Variants in DAB1 observed in about 807,000 individuals in gnomAD.
DAB1 encodes the protein disabled homolog 1.
A neutral mutation model predicts 64.6 loss-of-function variants in DAB1; 15 were observed. The observed-to-expected ratio is 0.23, with a 90% CI of 0.16 to 0.36. The LOEUF (loss-of-function observed/expected upper bound fraction) is 0.36, where lower values mean the gene tolerates loss of function less well. Among genes scored for constraint, DAB1 ranks in the 10% least tolerant of loss-of-function variants. DAB1 has a pLI of 1.00. For missense variants in DAB1, 596 were observed against 706.7 expected, an observed-to-expected ratio of 0.84 and a Z score of 1.78; for synonymous variants, 235 against 251.9, an observed-to-expected ratio of 0.93 and a Z score of 0.64.
At chr1:57,453,643 A>G (rs1338813698) in intron 7 of DAB1, among the ~76,000 whole-genome samples, 1 of 152,212 alleles carries the variant, frequency 6.6e-6, no homozygotes, top group Non-Finnish European at 1.5e-5. Flanking sequence ...ATAGGATAAC[A>G]ACAGAAATTA....
intron 5 of DAB1, among the ~76,000 whole-genome samples, chr1:57,946,873 C>T (rs1645191809): frequency 6.6e-6 from 1 of 152,176 alleles, no homozygotes; most frequent in African/African-American, 2.4e-5. Context: ...GCAGGGACCC[C>T]ATATGATACA....
intron 1 of DAB1, among the ~76,000 whole-genome samples, chr1:57,362,580 A>G (rs550564137): frequency 6.6e-6 from 1 of 152,260 alleles, no homozygotes; most frequent in East Asian, 1.9e-4. Flanking sequence ...GGTGAGCCCT[A>G]GTGAGTGGGA....
At chr1:57,057,500 GTTT>G (rs1649890283) in intron 9 of DAB1, among the ~76,000 whole-genome samples, 1 of 152,004 alleles carries the variant, frequency 6.6e-6, no homozygotes, top group Non-Finnish European at 1.5e-5. Context: ...AATTTTAGCG[GTTT>G]TCAGACAAGT....
chr1:58,515,864 C>T (rs1646150831), intron 2 of DAB1, among the ~76,000 whole-genome samples: 1 of 152,130 alleles, frequency 6.6e-6, no homozygotes, highest in African/African-American at 2.4e-5. Flanking sequence ...TAAATTAGCT[C>T]CAATTTTCTT....
chr1:57,855,795 G>A (rs1420668630), intron 1 of DAB1, among the ~76,000 whole-genome samples: 1 of 152,112 alleles, frequency 6.6e-6, no homozygotes, highest in Non-Finnish European at 1.5e-5. Flanking sequence ...ACAGGAGGTT[G>A]AGAAGGGGAG....
chr1:58,388,238 T>C (rs1401496902), intron 3 of DAB1, among the ~76,000 whole-genome samples: 1 of 152,178 alleles, frequency 6.6e-6, no homozygotes, highest in African/African-American at 2.4e-5. Flanking sequence ...ACTCTCCTTA[T>C]TATACTAACA....
At chr1:57,698,989 G>C (rs1400074991) in intron 6 of DAB1, among the ~76,000 whole-genome samples, 1 of 152,146 alleles carries the variant, frequency 6.6e-6, no homozygotes, top group Non-Finnish European at 1.5e-5. Context: ...CCAGGCTAGA[G>C]TGCAATGGCA....
chr1:57,853,204 G>T (rs547483791), intron 1 of DAB1, among the ~76,000 whole-genome samples: 1 of 151,626 alleles, frequency 6.6e-6, no homozygotes, highest in East Asian at 1.9e-4. Context: ...TTAGAAAAGG[G>T]TTATTAGATC....
intron 5 of DAB1, among the ~76,000 whole-genome samples, chr1:58,149,572 C>A (rs912029842): frequency 6.6e-6 from 1 of 152,190 alleles, no homozygotes; most frequent in South Asian, 2.1e-4. Context: ...GAGTCATACT[C>A]AGGCCCTGAA....
At chr1:57,922,689 C>CAA (rs111920870) in intron 5 of DAB1, among the ~76,000 whole-genome samples, 43 of 150,408 alleles carry the variant, frequency 2.9e-4, no homozygotes, top group African/African-American at 7.8e-4. Flanking sequence ...ACTAAAAATA[C>CAA]AAAAAAAATA....
At chr1:58,041,923 C>T (rs759848198) in intron 5 of DAB1, among the ~76,000 whole-genome samples, 8 of 152,230 alleles carry the variant, frequency 5.3e-5, no homozygotes, top group Admixed American at 2.0e-4. Context: ...ATCCCCAACA[C>T]CAACCTCTCA....
rs768630691 is a variant in DAB1, at chr1:57,033,608, T to C, written c.724-7565A>G. The stretch of plus-strand genomic sequence containing the variant: ...GAAGGGATGATGAATGAGGATGAAG[T>C]GAATGACACACAAATGACATGGATT... On this transcript the variant is annotated intron_variant, in intron 9 of 14. Transcript: ENST00000371236. 11 of 1,579,300 alleles carry C rather than the reference T, an allele frequency of 7.0e-6. No homozygotes were observed. The East Asian group carries it at 1.8e-4, about 26-fold the overall frequency.
chr1:58,100,275 C>T (rs535029808), intron 5 of DAB1, among the ~76,000 whole-genome samples: 1 of 152,294 alleles, frequency 6.6e-6, no homozygotes, highest in East Asian at 1.9e-4. Context: ...TTGGAAACCA[C>T]AATTCTATGT....
intron 5 of DAB1, among the ~76,000 whole-genome samples, chr1:58,133,784 G>C (rs977776137): frequency 1.4e-4 from 22 of 152,326 alleles, no homozygotes; most frequent in African/African-American, 4.3e-4. Flanking sequence ...TTGGCAGCCA[G>C]GTATTGCAGA....
At chr1:57,971,289 G>A (rs1399876608) in intron 5 of DAB1, among the ~76,000 whole-genome samples, 1 of 152,196 alleles carries the variant, frequency 6.6e-6, no homozygotes, top group Non-Finnish European at 1.5e-5. Flanking sequence ...CACACTGCCT[G>A]TCTCTACTTA....
At chr1:57,777,908 G>A (rs1041122096) in intron 6 of DAB1, among the ~76,000 whole-genome samples, 1 of 151,974 alleles carries the variant, frequency 6.6e-6, no homozygotes, top group African/African-American at 2.4e-5. Context: ...ATACAGTGTT[G>A]AAGTTCATTT....
At chr1:58,252,897 T>C (rs1301202675) in intron 4 of DAB1, among the ~76,000 whole-genome samples, 1 of 152,232 alleles carries the variant, frequency 6.6e-6, no homozygotes, top group Non-Finnish European at 1.5e-5. Flanking sequence ...CTCATTCCCT[T>C]GTGCCCAACT....
intron 4 of DAB1, among the ~76,000 whole-genome samples, chr1:58,179,016 A>T (rs577065418): frequency 6.6e-6 from 1 of 152,250 alleles, no homozygotes; most frequent in South Asian, 2.1e-4. Context: ...TTCTGCTCCT[A>T]ATTTACTGAA....
intron 7 of DAB1, among the ~76,000 whole-genome samples, chr1:57,618,366 G>A (rs953567452): frequency 1.4e-5 from 2 of 142,496 alleles, no homozygotes; most frequent in Non-Finnish European, 3.0e-5. Flanking sequence ...AGTAAGACAA[G>A]ATCATGCCAC....
Sources: gnomAD v4.1 joint callset for allele counts (sites outside exome capture counted in the v4.1 genomes callset) on GRCh38, gnomAD v4.1.1 for gene constraint, MANE v1.5 for transcripts, NCBI Gene and HGNC (gene_info 2026-07-23, HGNC 2026-07-21) for gene names.